The following OSTF1 variants were observed in gnomAD, a reference collection of about 807,000 sequenced individuals.
OSTF1 encodes osteoclast stimulating factor 1.
Under a neutral mutation model 37.2 loss-of-function variants are expected in OSTF1, and 27 were observed. The observed-to-expected ratio is 0.73, with a 90% CI of 0.54 to 1.00. The LOEUF (loss-of-function observed/expected upper bound fraction) is 1.00. Among genes scored for constraint, OSTF1 ranks in the 50% least tolerant of loss-of-function variants. OSTF1 has a pLI of 0.00. For synonymous variants in OSTF1, 82 were observed against 89.2 expected, an observed-to-expected ratio of 0.92 and a Z score of 0.46; for missense variants, 232 against 253.8, an observed-to-expected ratio of 0.91 and a Z score of 0.58.
chr9:75,124,691 CT>C (rs1825634652), intron 2 of OSTF1, among the ~76,000 whole-genome samples: 2 of 152,174 alleles, frequency 1.3e-5, no homozygotes, highest in South Asian at 2.1e-4. Flanking sequence ...CCTATTCCCC[CT>C]GACTTTATTG....
rs960513527 is a variant in OSTF1, at chr9:75,118,846, C to T, written c.81+1296C>T. Reference sequence around the variant, plus strand: ...TTCAATTATCTCCCACCAGGTGCCTCCCACAACACATGGGGATTATGGGAC... The same window carrying T: ...TTCAATTATCTCCCACCAGGTGCCTTCCACAACACATGGGGATTATGGGAC... On this transcript the variant is annotated intron_variant, in intron 2 of 9. Coordinates refer to ENST00000346234, the MANE Select transcript of OSTF1 (RefSeq NM_012383.5). Among the ~76,000 whole-genome samples, 3 of 152,150 alleles carry T rather than the reference C, an allele frequency of 2.0e-5. No individual in the cohort carries two copies. In the East Asian group the frequency reaches 5.8e-4, roughly 29 times the overall value.
At chr9:75,113,845 A>G (rs979355058) in intron 1 of OSTF1, among the ~76,000 whole-genome samples, 3 of 152,332 alleles carry the variant, frequency 2.0e-5, no homozygotes, top group South Asian at 2.1e-4. Context: ...TACATAATAC[A>G]TTGTTATTAA....
At chr9:75,095,016 C>A (rs550572019) in intron 1 of OSTF1, among the ~76,000 whole-genome samples, 1 of 152,068 alleles carries the variant, frequency 6.6e-6, no homozygotes, top group South Asian at 2.1e-4. Context: ...GGTGACAGAG[C>A]GAGACCCTGT....
intron 9 of OSTF1, among the ~76,000 whole-genome samples, chr9:75,145,177 A>ATCTATCTAATCTATCT (rs10701570): frequency 6.7e-6 from 1 of 148,944 alleles, no homozygotes; most frequent in Non-Finnish European, 1.5e-5. Flanking sequence ...CTATCTATCT[A>ATCTATCTAATCTATCT]ATCTATCTAT....
At chr9:75,093,644 A>G (rs1009614993) in intron 1 of OSTF1, among the ~76,000 whole-genome samples, 5 of 152,382 alleles carry the variant, frequency 3.3e-5, no homozygotes, top group Admixed American at 2.6e-4. Flanking sequence ...GAGTAAAAAC[A>G]TCATAAAACT....
chr9:75,108,968 T>C (rs1043283695), intron 1 of OSTF1, among the ~76,000 whole-genome samples: 12 of 152,124 alleles, frequency 7.9e-5, no homozygotes, highest in African/African-American at 2.9e-4. Flanking sequence ...TACCGGAATT[T>C]TAGTAATAAG....
intron 2 of OSTF1, among the ~76,000 whole-genome samples, chr9:75,118,421 G>A (rs1825526551): frequency 6.6e-6 from 1 of 152,162 alleles, no homozygotes; most frequent in Admixed American, 6.5e-5. Flanking sequence ...GGACTGGAAG[G>A]GCAGAGCATT....
intron 1 of OSTF1, among the ~76,000 whole-genome samples, chr9:75,089,762 T>G (rs1824920571): frequency 6.6e-6 from 1 of 152,254 alleles, no homozygotes; most frequent in Admixed American, 6.5e-5. Context: ...ACGTCAAATT[T>G]TGAAGTAACT....
chr9:75,109,826 A>C (rs1365726398), intron 1 of OSTF1, among the ~76,000 whole-genome samples: 2 of 152,238 alleles, frequency 1.3e-5, no homozygotes, highest in Non-Finnish European at 2.9e-5. Flanking sequence ...GTACTAATTT[A>C]TGCTCCCACT....
intron 1 of OSTF1, among the ~76,000 whole-genome samples, chr9:75,102,102 T>C (rs1436778045): frequency 6.6e-6 from 1 of 152,196 alleles, no homozygotes; most frequent in Non-Finnish European, 1.5e-5. Flanking sequence ...TAGCGCACAT[T>C]ACTGTAGGCG....
chr9:75,088,520 C>T lies in OSTF1; in HGVS notation c.-173C>T, dbSNP rs573611347. On this transcript the variant is annotated 5_prime_UTR_variant, in exon 1 of 10. Coordinates refer to ENST00000346234, the MANE Select transcript of OSTF1 (RefSeq NM_012383.5). ...CCGCGGGGCGGGGCGGAGCACTCGG[C>T]GGAGCCGCTCTGCCTGCGTCCGCTC... 8.4e-5 allele frequency: 58 copies of T among 688,134 alleles called. No homozygotes were observed. The highest frequency in any genetic ancestry group is 8.3e-4 in the African/African-American group (46 of 55,460). 42.6% of individuals were successfully genotyped at this position (688,134 alleles called of 1,614,324 possible). A position where few individuals can be genotyped will look rare whatever the true frequency, so the allele number is the denominator to read the frequency against.
At chr9:75,126,200 C>G (rs1332515903) in intron 2 of OSTF1, among the ~76,000 whole-genome samples, 1 of 152,186 alleles carries the variant, frequency 6.6e-6, no homozygotes, top group African/African-American at 2.4e-5. Flanking sequence ...CAGGCATGAG[C>G]TACCACGCCT....
intron 1 of OSTF1, among the ~76,000 whole-genome samples, chr9:75,090,216 C>T (rs777252463): frequency 2.0e-5 from 3 of 151,922 alleles, no homozygotes; most frequent in Non-Finnish European, 4.4e-5. Context: ...AGTTGAAATA[C>T]GTTAAAGAAT....
chr9:75,115,663 G>A (rs13284521), intron 1 of OSTF1, among the ~76,000 whole-genome samples: 3 of 122,642 alleles, frequency 2.4e-5, no homozygotes, highest in Non-Finnish European at 5.3e-5. Flanking sequence ...TTTGTTTTTT[G>A]TTTTTTTTTG....
At chr9:75,102,553 G>A (rs967623543) in intron 1 of OSTF1, among the ~76,000 whole-genome samples, 3 of 152,070 alleles carry the variant, frequency 2.0e-5, no homozygotes, top group Admixed American at 6.6e-5. Context: ...TCTTCCTACG[G>A]ATCTCGAAAA....
chr9:75,128,989 A>G (rs953617406), intron 3 of OSTF1, among the ~76,000 whole-genome samples: 5 of 152,126 alleles, frequency 3.3e-5, no homozygotes, highest in African/African-American at 1.2e-4. Context: ...TTCTTTGAGA[A>G]ATGGCTGGTA....
intron 1 of OSTF1, among the ~76,000 whole-genome samples, chr9:75,103,536 A>G (rs183201271): frequency 2.0e-5 from 3 of 152,194 alleles, no homozygotes; most frequent in African/African-American, 2.4e-5. Flanking sequence ...TTGCATATAT[A>G]ATATTACCAC....
chr9:75,089,236 C>A (rs1824890154), intron 1 of OSTF1, among the ~76,000 whole-genome samples: 1 of 151,230 alleles, frequency 6.6e-6, no homozygotes, highest in Non-Finnish European at 1.5e-5. Flanking sequence ...TTGAAATTGA[C>A]CTCGGGATCT....
chr9:75,113,268 A>G (rs1825423543), intron 1 of OSTF1, among the ~76,000 whole-genome samples: 1 of 152,100 alleles, frequency 6.6e-6, no homozygotes, highest in Admixed American at 6.6e-5. Context: ...ATGAATGTAA[A>G]CAGTAAATGT....
Sources: allele counts gnomAD v4.1 joint callset (sites outside exome capture counted in the v4.1 genomes callset), GRCh38; gene constraint gnomAD v4.1.1; transcripts MANE v1.5; gene names NCBI Gene and HGNC (gene_info 2026-07-23, HGNC 2026-07-21).